Variants in RELN observed in about 807,000 individuals in gnomAD.
RELN encodes reelin.
In RELN, 108 loss-of-function variants were observed where a neutral mutation model predicts 427.6. That is an observed-to-expected ratio of 0.25 (90% confidence interval 0.22 to 0.30). The LOEUF (loss-of-function observed/expected upper bound fraction) is 0.30. Among genes scored for constraint, RELN ranks in the 10% least tolerant of loss-of-function variants. The probability of loss-of-function intolerance (pLI) is 1.00; values close to 1 mark genes in which losing one functional copy is unlikely to be tolerated. For missense variants in RELN, 3,715 were observed against 4,302.8 expected, an observed-to-expected ratio of 0.86 and a Z score of 3.82; for synonymous variants, 1,524 against 1,513.4, an observed-to-expected ratio of 1.01 and a Z score of -0.16.
At chr7:103,697,744 T>C (rs982596715) in intron 10 of RELN, 109 bp downstream of exon 10, 3 of 1,477,484 alleles carry the variant, frequency 2.0e-6, no homozygotes, top group African/African-American at 1.4e-5. Context: ...GGTCCTTTAA[T>C]AGTGGTTTTG....
intron 8 of RELN, among the ~76,000 whole-genome samples, chr7:103,719,844 C>A (rs1229446087): frequency 1.3e-5 from 2 of 152,104 alleles, no homozygotes; most frequent in Non-Finnish European, 2.9e-5. Flanking sequence ...TGTCTCAGCA[C>A]AGAAATGGAT....
chr7:103,635,314 C>T (rs749064350), intron 19 of RELN, 111 bp downstream of exon 19: 32 of 1,154,180 alleles, frequency 2.8e-5, no homozygotes, highest in Middle Eastern at 2.8e-4. Context: ...AATCTTTGTG[C>T]GCTCCATCTG....
chr7:103,680,594 A>G (rs974394017), intron 11 of RELN, among the ~76,000 whole-genome samples: 11 of 151,688 alleles, frequency 7.3e-5, no homozygotes, highest in African/African-American at 2.4e-4. Flanking sequence ...ACTTCTGTGC[A>G]TTGTCAAAGC....
Position 103,496,607 on chromosome 7 carries a change from G to A in RELN, c.9112C>T (p.Arg3038Cys), listed in dbSNP as rs768930762. ...SNGIVVSGVERAQWALDNILI... is the reference protein window; with the variant it reads ...SNGIVVSGVECAQWALDNILI... ...ATGTTGTCCAGTGCCCACTGAGCAC[G>A]CTCCACCCCAGAGACCACAATTCCA... Residue 3038 changes from arginine (R) to cysteine (C), a missense_variant, in exon 56 of 65, where the codon CGT (arginine) becomes TGT (cysteine). Around this residue, in one of 4 missense-constraint regions of RELN, gnomAD observed 1,310 missense variants for 1,643.0 expected, o/e 0.80. Coordinates refer to ENST00000428762, the MANE Select transcript of RELN (RefSeq NM_005045.4). 5.6e-6 allele frequency: 9 copies of A among 1,614,094 alleles called. No homozygotes were observed. Among genetic ancestry groups the A allele is most frequent in the Admixed American group, 3.3e-5 (2 of 59,994 alleles).
At chr7:103,797,622 C>A (rs1792341083) in intron 3 of RELN, among the ~76,000 whole-genome samples, 1 of 152,028 alleles carries the variant, frequency 6.6e-6, no homozygotes, top group South Asian at 2.1e-4. Flanking sequence ...TCCAAGATAC[C>A]ATATCGCAGT....
rs1408207167 is a variant in RELN, at chr7:103,938,147, CCT to C, written c.227-20964_227-20963del. ...ACCAGCCTGGCCAACATGGTAAAAC[CCT>C]GTCTCTACTAAAAATACAAAAATTA... On this transcript the variant is annotated intron_variant, in intron 1 of 64. Transcript: ENST00000428762. 2.6e-5 allele frequency among the ~76,000 whole-genome samples: 4 copies of C among 152,060 alleles called. No individual in the cohort carries two copies. The South Asian group carries it at 8.3e-4, about 32-fold the overall frequency.
intron 49 of RELN, among the ~76,000 whole-genome samples, chr7:103,517,299 C>T (rs912597516): frequency 2.6e-5 from 4 of 151,912 alleles, no homozygotes; most frequent in African/African-American, 9.7e-5. Context: ...CGCACTTCTT[C>T]ACACAGAGCA....
chr7:103,491,930 A>G (rs770604117), intron 58 of RELN, 23 bp downstream of exon 58: 2 of 1,561,224 alleles, frequency 1.3e-6, no homozygotes, highest in South Asian at 2.3e-5. Flanking sequence ...TTTGAAGATA[A>G]TGTTAAAAAT....
chr7:103,720,740 G>T (rs1470872867), intron 8 of RELN, among the ~76,000 whole-genome samples: 2 of 152,030 alleles, frequency 1.3e-5, no homozygotes, highest in South Asian at 2.1e-4. Context: ...GATTACTATG[G>T]ATACCCACAA....
intron 28 of RELN, among the ~76,000 whole-genome samples, chr7:103,580,457 C>G (rs1187553594): frequency 6.6e-6 from 1 of 152,200 alleles, no homozygotes; most frequent in African/African-American, 2.4e-5. Context: ...TTGGGAGCCT[C>G]AAAGTATTGG....
intron 2 of RELN, among the ~76,000 whole-genome samples, chr7:103,863,133 C>T (rs1030013461): frequency 6.6e-6 from 1 of 152,090 alleles, no homozygotes; most frequent in African/African-American, 2.4e-5. Context: ...CAATGTGCGC[C>T]ACCAGCAATG....
chr7:103,897,423 C>T (rs1279550893), intron 2 of RELN, among the ~76,000 whole-genome samples: 1 of 152,062 alleles, frequency 6.6e-6, no homozygotes, highest in Non-Finnish European at 1.5e-5. Flanking sequence ...TACCAGTGTG[C>T]TTACCTGGTG....
chr7:103,843,905 A>T (rs1793614529), intron 2 of RELN, among the ~76,000 whole-genome samples: 1 of 152,142 alleles, frequency 6.6e-6, no homozygotes, highest in African/African-American at 2.4e-5. Context: ...CTAACACTGC[A>T]TACTCTCCCT....
At chr7:103,642,896 C>G (rs187753033) in intron 16 of RELN, among the ~76,000 whole-genome samples, 2 of 152,036 alleles carry the variant, frequency 1.3e-5, no homozygotes, top group Non-Finnish European at 2.9e-5. Context: ...TAAAATGCTA[C>G]GCAAAATGTT....
At chr7:103,585,146 G>A (rs1831241161) in intron 28 of RELN, among the ~76,000 whole-genome samples, 1 of 151,664 alleles carries the variant, frequency 6.6e-6, no homozygotes, top group Non-Finnish European at 1.5e-5. Context: ...TGCACCTCAA[G>A]GAAGAAAAAT....
At chr7:103,552,448 A>T (rs1438486680) in intron 40 of RELN, among the ~76,000 whole-genome samples, 1 of 151,942 alleles carries the variant, frequency 6.6e-6, no homozygotes, top group Admixed American at 6.6e-5. Context: ...TGATGAGTAA[A>T]CTATTGACAT....
intron 2 of RELN, among the ~76,000 whole-genome samples, chr7:103,889,879 A>C (rs1794807785): frequency 6.6e-6 from 1 of 152,216 alleles, no homozygotes; most frequent in African/African-American, 2.4e-5. Context: ...AGCAGGTAGC[A>C]CAACACAGAA....
chr7:103,499,185 C>CCAAGTTG (rs1311045878), intron 53 of RELN, among the ~76,000 whole-genome samples: 4 of 152,288 alleles, frequency 2.6e-5, no homozygotes, highest in African/African-American at 9.6e-5. Flanking sequence ...GTTTATCAGG[C>CCAAGTTG]CAAGTTGCAG....
At chr7:103,600,950 C>T (rs980741099) in intron 24 of RELN, among the ~76,000 whole-genome samples, 2 of 152,172 alleles carry the variant, frequency 1.3e-5, no homozygotes, top group Admixed American at 1.3e-4. Flanking sequence ...TTATTCCTCT[C>T]AATATCCACT....
Sources: allele counts gnomAD v4.1 joint callset (sites outside exome capture counted in the v4.1 genomes callset), GRCh38; gene constraint gnomAD v4.1.1; regional missense constraint gnomAD v4.1.1; transcripts MANE v1.5; gene names NCBI Gene and HGNC (gene_info 2026-07-23, HGNC 2026-07-21).